The following DMD variants were observed in gnomAD, a reference collection of about 807,000 sequenced individuals.
The protein encoded by DMD is dystrophin.
In DMD, 63 loss-of-function variants were observed where a neutral mutation model predicts 330.1. The observed-to-expected ratio is 0.19, with a 90% CI of 0.16 to 0.24. DMD has a LOEUF of 0.24. DMD is among the 10% of genes least tolerant of loss of function. DMD has a pLI of 1.00. For synonymous variants in DMD, 1,223 were observed against 959.8 expected, an observed-to-expected ratio of 1.27 and a Z score of -5.07; for missense variants, 3,344 against 2,684.1, an observed-to-expected ratio of 1.25 and a Z score of -5.43.
intron 60 of DMD, among the ~76,000 whole-genome samples, chrX:31,444,102 C>G (rs745737593): frequency 9.0e-6 from 1 of 110,667 alleles, no homozygotes; most frequent in African/African-American, 3.3e-5. Context: ...GCCGTGTGAT[C>G]TTTGTACACC....
chrX:31,325,647 C>T (rs182736964), intron 61 of DMD, among the ~76,000 whole-genome samples: 1,166 of 110,808 alleles, frequency 0.011, 12 homozygotes, highest in African/African-American at 0.036. Context: ...AAACCATGGG[C>T]TAGACTTCCT....
chrX:32,353,327 T>C (rs2147117091), intron 37 of DMD, among the ~76,000 whole-genome samples: 1 of 111,927 alleles, frequency 8.9e-6, no homozygotes, highest in South Asian at 3.6e-4. Context: ...TTGGAATTCT[T>C]ATGCAACTTT....
Position 32,012,759 on chromosome X carries a change from G to C in DMD, c.6439-44245C>G, listed in dbSNP as rs1210528759. 9.9e-5 allele frequency among the ~76,000 whole-genome samples: 11 copies of C among 111,293 alleles called. No individual in the cohort carries two copies. In the Admixed American group the frequency reaches 1.1e-3, roughly 11 times the overall value. On this transcript the variant is annotated intron_variant, in intron 44 of 78. Transcript: ENST00000357033. ...GAGTGATAATCTATTATCCAAACAA[G>C]GATATTTTTGAGAGCAAAAGGAGGC...
intron 7 of DMD, among the ~76,000 whole-genome samples, chrX:32,725,592 T>C (rs940339864): frequency 3.6e-5 from 4 of 110,326 alleles, no homozygotes; most frequent in African/African-American, 1.3e-4. Context: ...GATACAACAA[T>C]TGCAAATATT....
intron 1 of DMD, among the ~76,000 whole-genome samples, chrX:33,204,241 A>G (rs1030141200): frequency 8.9e-6 from 1 of 111,929 alleles, no homozygotes; most frequent in African/African-American, 3.2e-5. Context: ...AATAATTTCT[A>G]TAACCTTCAA....
intron 67 of DMD, among the ~76,000 whole-genome samples, chrX:31,198,979 T>C (rs2043176451): frequency 8.9e-6 from 1 of 112,146 alleles, no homozygotes; most frequent in Non-Finnish European, 1.9e-5. Context: ...CATTGACACA[T>C]TAACACTCTG....
At chrX:33,074,297 C>T (rs1301614478) in intron 1 of DMD, among the ~76,000 whole-genome samples, 2 of 111,772 alleles carry the variant, frequency 1.8e-5, no homozygotes, top group Non-Finnish European at 3.8e-5. Flanking sequence ...CCACAAGGCA[C>T]CCCTGGAGTC....
At chrX:32,655,566 G>T (rs1055989060) in intron 9 of DMD, among the ~76,000 whole-genome samples, 2 of 111,644 alleles carry the variant, frequency 1.8e-5, no homozygotes, top group Non-Finnish European at 3.8e-5. Context: ...CAACTATGTG[G>T]TCAATTTTGG....
At chrX:32,033,603 C>CAGAA (rs753337646) in intron 44 of DMD, among the ~76,000 whole-genome samples, 2,053 of 59,704 alleles carry the variant, frequency 0.034, 61 homozygotes, top group Non-Finnish European at 0.049. Context: ...GACAGACAGA[C>CAGAA]AGAAAGAAAG....
chrX:32,011,410 T>C (rs1004130517), intron 44 of DMD, among the ~76,000 whole-genome samples: 1 of 111,487 alleles, frequency 9.0e-6, no homozygotes, highest in African/African-American at 3.3e-5. Flanking sequence ...ATTGTCTATT[T>C]CCCTTAAGAT....
intron 2 of DMD, among the ~76,000 whole-genome samples, chrX:32,900,065 G>A (rs2086103641): frequency 8.9e-6 from 1 of 112,020 alleles, no homozygotes; most frequent in South Asian, 3.7e-4. Context: ...CTAATCAAAA[G>A]CAAATCGGTA....
chrX:31,255,550 G>A (rs1471672171), intron 63 of DMD, among the ~76,000 whole-genome samples: 1 of 110,949 alleles, frequency 9.0e-6, no homozygotes, highest in South Asian at 3.8e-4. Context: ...TGTAAGACAC[G>A]GATGGGTGGC....
chrX:32,637,014 A>AAAAGAG (rs1347572807), intron 11 of DMD, among the ~76,000 whole-genome samples: 11 of 111,158 alleles, frequency 9.9e-5, no homozygotes, highest in Non-Finnish European at 2.1e-4. Flanking sequence ...AAGAAAAAGA[A>AAAAGAG]AAAGAAAAAG....
At chrX:32,650,013 T>C (rs2060041397) in intron 9 of DMD, among the ~76,000 whole-genome samples, 1 of 110,942 alleles carries the variant, frequency 9.0e-6, no homozygotes, top group African/African-American at 3.3e-5. Context: ...ATAAATGATT[T>C]TTATGGGGAA....
intron 54 of DMD, among the ~76,000 whole-genome samples, chrX:31,633,256 A>G (rs149546605): frequency 6.3e-4 from 71 of 111,995 alleles, no homozygotes; most frequent in African/African-American, 2.2e-3. Context: ...GAGTTATTCT[A>G]TCATCACTTC....
At chrX:32,486,515 G>A (rs1406054651) in intron 20 of DMD, among the ~76,000 whole-genome samples, 2 of 110,613 alleles carry the variant, frequency 1.8e-5, no homozygotes, top group East Asian at 2.8e-4. Flanking sequence ...AAGTTCATAT[G>A]GAACCAAAAA....
At chrX:32,740,117 G>A (rs2069046536) in intron 7 of DMD, among the ~76,000 whole-genome samples, 1 of 108,232 alleles carries the variant, frequency 9.2e-6, no homozygotes, top group South Asian at 4.0e-4. Flanking sequence ...GAAGCTTTAC[G>A]GGTTATCGTG....
chrX:32,791,903 T>C (rs561692478), intron 7 of DMD, among the ~76,000 whole-genome samples: 2 of 111,814 alleles, frequency 1.8e-5, no homozygotes, highest in African/African-American at 3.3e-5. Flanking sequence ...CAAAAAGGGA[T>C]ACAATTCAAA....
At chrX:32,830,109 A>G (rs1445485015) in intron 4 of DMD, among the ~76,000 whole-genome samples, 1 of 111,585 alleles carries the variant, frequency 9.0e-6, no homozygotes, top group African/African-American at 3.2e-5. Context: ...TGTTCATGGC[A>G]TTTATATTAC....
Sources: allele counts gnomAD v4.1 joint callset (sites outside exome capture counted in the v4.1 genomes callset), GRCh38; gene constraint gnomAD v4.1.1; transcripts MANE v1.5; gene names NCBI Gene and HGNC (gene_info 2026-07-23, HGNC 2026-07-21).